Variants in NEGR1 observed in about 807,000 individuals in gnomAD.
The protein encoded by NEGR1 is IgLON family member 4.
Under a neutral mutation model 40.9 loss-of-function variants are expected in NEGR1, and 10 were observed. The observed-to-expected ratio is 0.24, with a 90% CI of 0.15 to 0.42. The LOEUF (loss-of-function observed/expected upper bound fraction) is 0.42, where lower values mean the gene tolerates loss of function less well. Among genes scored for constraint, NEGR1 ranks in the 10% least tolerant of loss-of-function variants. NEGR1 has a pLI of 1.00. For missense variants in NEGR1, 352 were observed against 438.9 expected (o/e 0.80, Z 1.77); for synonymous variants, 185 against 166.8 (o/e 1.11, Z -0.84).
At chr1:71,948,363 GTGTT>G (rs1261875988) in intron 1 of NEGR1, among the ~76,000 whole-genome samples, 1 of 151,744 alleles carries the variant, frequency 6.6e-6, no homozygotes, top group African/African-American at 2.4e-5. Flanking sequence ...TTTTAAATAT[GTGTT>G]TGTAGTCTAG....
At chr1:71,610,957 T>A (rs1424317835) in intron 5 of NEGR1, 69 bp downstream of exon 5, 13 of 1,518,922 alleles carry the variant, frequency 8.6e-6, no homozygotes, top group Non-Finnish European at 1.2e-5. Flanking sequence ...TTGCCTAAAG[T>A]AAGTATCTGA....
At chr1:71,726,554 T>C (rs997947999) in intron 3 of NEGR1, among the ~76,000 whole-genome samples, 1 of 152,100 alleles carries the variant, frequency 6.6e-6, no homozygotes, top group African/African-American at 2.4e-5. Context: ...TTTATGTTGT[T>C]TTTACTATCA....
At chr1:72,136,021 A>C (rs907930903) in intron 1 of NEGR1, among the ~76,000 whole-genome samples, 2 of 152,214 alleles carry the variant, frequency 1.3e-5, no homozygotes, top group African/African-American at 4.8e-5. Context: ...CCAAGTAACT[A>C]AAGTACTTCT....
At chr1:72,244,739 T>C (rs983858407) in intron 1 of NEGR1, among the ~76,000 whole-genome samples, 4 of 152,030 alleles carry the variant, frequency 2.6e-5, no homozygotes, top group Non-Finnish European at 5.9e-5. Context: ...TCAATAAATA[T>C]ATAACATTAT....
chr1:71,792,982 G>C (rs1024874672), intron 2 of NEGR1, among the ~76,000 whole-genome samples: 5 of 151,682 alleles, frequency 3.3e-5, no homozygotes, highest in African/African-American at 1.2e-4. Context: ...ACTTATGCTT[G>C]AGTTTTAAGC....
At chr1:71,779,345 TAAATTA>T (rs1391521225) in intron 2 of NEGR1, among the ~76,000 whole-genome samples, 2 of 152,188 alleles carry the variant, frequency 1.3e-5, no homozygotes, top group Non-Finnish European at 2.9e-5. Context: ...TCAAGAAATT[TAAATTA>T]AAAGACAGAA....
At chr1:72,261,608 G>A (rs746677701) in intron 1 of NEGR1, among the ~76,000 whole-genome samples, 7 of 151,794 alleles carry the variant, frequency 4.6e-5, no homozygotes, top group Admixed American at 1.3e-4. Context: ...TGTGGTGTCC[G>A]GCACCACTTT....
At chr1:71,443,420 A>C (rs1001172525) in intron 6 of NEGR1, among the ~76,000 whole-genome samples, 3 of 152,232 alleles carry the variant, frequency 2.0e-5, no homozygotes, top group Admixed American at 6.5e-5. Context: ...ATTAATATTT[A>C]AACTTTTTGT....
intron 5 of NEGR1, among the ~76,000 whole-genome samples, chr1:71,602,725 A>G (rs1432895244): frequency 6.6e-6 from 1 of 152,078 alleles, no homozygotes; most frequent in African/African-American, 2.4e-5. Context: ...AAATTTTCTT[A>G]CTTAGTACTT....
At chr1:71,712,013 T>C (rs1015544468) in intron 3 of NEGR1, among the ~76,000 whole-genome samples, 1 of 151,976 alleles carries the variant, frequency 6.6e-6, no homozygotes, top group Non-Finnish European at 1.5e-5. Flanking sequence ...TCCAAGAGGG[T>C]GGAGAAGGGG....
At chr1:72,155,358 T>C (rs1162750406) in intron 1 of NEGR1, among the ~76,000 whole-genome samples, 2 of 152,044 alleles carry the variant, frequency 1.3e-5, no homozygotes, top group Non-Finnish European at 2.9e-5. Flanking sequence ...GAAAGCAATG[T>C]CATGAGTAGC....
chr1:71,506,470 C>T lies in NEGR1; in HGVS notation c.940+86347G>A, dbSNP rs147442668. Among the ~76,000 whole-genome samples, 572 of 152,178 alleles carry T rather than the reference C, an allele frequency of 3.8e-3. 4 individuals carry two copies. Among genetic ancestry groups the T allele is most frequent in the African/African-American group, 0.013 (547 of 41,534 alleles). On this transcript the variant is annotated intron_variant, in intron 6 of 6. Coordinates refer to ENST00000357731, the MANE Select transcript of NEGR1 (RefSeq NM_173808.3). ...CCTGCTGGTAGAGGAGAGTTGGAAGCGAACCTTTGGTGGGGCCCTAATGCT... is the reference window on the plus strand; with the variant it reads ...CCTGCTGGTAGAGGAGAGTTGGAAGTGAACCTTTGGTGGGGCCCTAATGCT...
intron 1 of NEGR1, among the ~76,000 whole-genome samples, chr1:72,259,514 A>G (rs949758396): frequency 5.9e-5 from 9 of 152,170 alleles, no homozygotes; most frequent in Non-Finnish European, 1.0e-4. Flanking sequence ...CATCATCTAA[A>G]TTATGATAGT....
chr1:71,450,314 C>T (rs1646617370), intron 6 of NEGR1, among the ~76,000 whole-genome samples: 2 of 152,082 alleles, frequency 1.3e-5, no homozygotes, highest in Admixed American at 1.3e-4. Context: ...TACAAGCAAA[C>T]TATCTGTTAT....
intron 2 of NEGR1, among the ~76,000 whole-genome samples, chr1:71,804,051 A>G (rs1303815000): frequency 6.6e-6 from 1 of 152,112 alleles, no homozygotes; most frequent in Non-Finnish European, 1.5e-5. Context: ...TTAAATATGA[A>G]TAGAATAATA....
At chr1:71,667,240 G>C (rs775939963) in intron 4 of NEGR1, among the ~76,000 whole-genome samples, 1 of 152,150 alleles carries the variant, frequency 6.6e-6, no homozygotes, top group Non-Finnish European at 1.5e-5. Flanking sequence ...TGACTCTTGT[G>C]AATCAGTTGA....
chr1:72,058,365 T>A (rs185410096), intron 1 of NEGR1, among the ~76,000 whole-genome samples: 1 of 151,660 alleles, frequency 6.6e-6, no homozygotes, highest in Non-Finnish European at 1.5e-5. Flanking sequence ...CATGTTCCCA[T>A]TAGTTATTAT....
intron 1 of NEGR1, among the ~76,000 whole-genome samples, chr1:72,026,373 C>CTTTT (rs34356052): frequency 7.0e-6 from 1 of 143,658 alleles, no homozygotes; most frequent in Non-Finnish European, 1.5e-5. Context: ...TCCAAGCTAC[C>CTTTT]TTTTTTTTTT....
At chr1:71,890,332 G>T (rs1408884997) in intron 2 of NEGR1, among the ~76,000 whole-genome samples, 9 of 16,326 alleles carry the variant, frequency 5.5e-4, no homozygotes, top group African/African-American at 2.4e-3. Flanking sequence ...CATCTCACGT[G>T]CAGAGACACA....
Sources: gnomAD v4.1 joint callset for allele counts (sites outside exome capture counted in the v4.1 genomes callset) on GRCh38, gnomAD v4.1.1 for gene constraint, MANE v1.5 for transcripts, NCBI Gene and HGNC (gene_info 2026-07-23, HGNC 2026-07-21) for gene names.